Variants in GNAI2 observed in about 807,000 individuals in gnomAD.
The protein encoded by GNAI2 is G protein subunit alpha i2, also known as guanine nucleotide-binding protein G(i) subunit alpha-2.
GNAI2 carries 4 observed loss-of-function variants against 36.8 expected under a neutral mutation model. The observed-to-expected ratio is 0.11, with a 90% CI of 0.05 to 0.25. The LOEUF (loss-of-function observed/expected upper bound fraction) is 0.25. GNAI2 is among the 10% of genes least tolerant of loss of function. The pLI, the probability that GNAI2 is intolerant of heterozygous loss-of-function variation, is 1.00. For synonymous variants in GNAI2, 194 were observed against 194.1 expected (o/e 1.00, Z 0.01); for missense variants, 230 against 481.3 (o/e 0.48, Z 4.89).
Position 50,259,193 on chromosome 3 carries a change from G to T in GNAI2, c.*850G>T, listed in dbSNP as rs1307349827. ...TATTAACCTAAAATGTAGCTCCCTA[G>T]CGCTAACCTAGGAACCGCCGCTGCC... On this transcript the variant is annotated 3_prime_UTR_variant, in exon 9 of 9. Transcript: ENST00000313601. The T allele has an allele frequency of 3.8e-6, 1 of 259,750 alleles. No homozygotes were observed. Among genetic ancestry groups the T allele is most frequent in the South Asian group, 3.8e-5 (1 of 26,080 alleles). The allele number at this position is 259,750 out of a possible 1,614,324, so 16.1% of individuals were successfully genotyped here. A position where few individuals can be genotyped will look rare whatever the true frequency, so the allele number is the denominator to read the frequency against.
intron 1 of GNAI2, among the ~76,000 whole-genome samples, chr3:50,246,176 C>T (rs1249118238): frequency 6.6e-6 from 1 of 152,196 alleles, no homozygotes; most frequent in Non-Finnish European, 1.5e-5. Flanking sequence ...GGGTCTCTGC[C>T]CCTCCCTCCC....
At chr3:50,257,451 G>A (rs1553703406) in intron 7 of GNAI2, 49 bp from the exon 8 acceptor site, 23 of 1,333,168 alleles carry the variant, frequency 1.7e-5, no homozygotes, top group Non-Finnish European at 2.2e-5. Context: ...CGTAGGATGC[G>A]GCCTGCCTGC....
At chr3:50,249,740 C>T (rs782503321) in intron 1 of GNAI2, among the ~76,000 whole-genome samples, 1 of 152,240 alleles carries the variant, frequency 6.6e-6, no homozygotes, top group African/African-American at 2.4e-5. Flanking sequence ...CCCAGATCCC[C>T]TCCCCTCATC....
upstream of GNAI2, among the ~76,000 whole-genome samples, chr3:50,234,697 C>T (rs587756389): frequency 1.1e-4 from 17 of 152,238 alleles, no homozygotes; most frequent in South Asian, 3.3e-3. Flanking sequence ...TGCTAAACAC[C>T]GGGCTGTTGG....
chr3:50,258,863 C>T lies in GNAI2; in HGVS notation c.*520C>T, dbSNP rs954610495. 4.6e-6 allele frequency: 2 copies of T among 439,416 alleles called. No individual in the cohort carries two copies. The highest frequency in any genetic ancestry group is 1.6e-5 in the South Asian group (1 of 61,284). The allele number at this position is 439,416 out of a possible 1,614,324, so 27.2% of individuals were successfully genotyped here. On this transcript the variant is annotated 3_prime_UTR_variant, in exon 9 of 9. Coordinates refer to ENST00000313601, the MANE Select transcript of GNAI2 (RefSeq NM_002070.4). ...TCCTGGAAACCACAGTCCACCTGCT[C>T]ATTCTCGTAGCTTTTTAAAAAAATG...
rs116369548 is a variant in GNAI2 at position 50,258,505 on chromosome 3, C to T, written c.*162C>T. 1.8e-5 allele frequency: 3 copies of T among 166,040 alleles called. No homozygotes were observed. Among genetic ancestry groups the T allele is most frequent in the African/African-American group, 7.2e-5 (3 of 41,564 alleles). The allele number at this position is 166,040 out of a possible 1,614,324, so 10.3% of individuals were successfully genotyped here. On this transcript the variant is annotated 3_prime_UTR_variant, in exon 9 of 9. Transcript: ENST00000313601. The stretch of plus-strand genomic sequence containing the variant: ...CTCCCCCTGTCCCCTCAGCTCCAGA[C>T]GTAGGGGAGGGGTTGCCACAGGCCT...
chr3:50,240,136 G>A (rs587702077), intron 1 of GNAI2, among the ~76,000 whole-genome samples: 1 of 152,340 alleles, frequency 6.6e-6, no homozygotes, highest in South Asian at 2.1e-4. Context: ...AGAGGAGTAA[G>A]TATAATCCTG....
rs987421067 is a variant in GNAI2 at position 50,258,870 on chromosome 3, G to T, written c.*527G>T. 1 of 439,532 alleles carries T rather than the reference G, an allele frequency of 2.3e-6. No homozygotes were observed. Among genetic ancestry groups the T allele is most frequent in the Non-Finnish European group, 4.5e-6 (1 of 222,924 alleles). The allele number at this position is 439,532 out of a possible 1,614,324, so 27.2% of individuals were successfully genotyped here. A position where few individuals can be genotyped will look rare whatever the true frequency, so the allele number is the denominator to read the frequency against. On this transcript the variant is annotated 3_prime_UTR_variant, in exon 9 of 9. Transcript: ENST00000313601. ...AACCACAGTCCACCTGCTCATTCTCGTAGCTTTTTAAAAAAATGAAAGTAA... is the reference window on the plus strand; with the variant it reads ...AACCACAGTCCACCTGCTCATTCTCTTAGCTTTTTAAAAAAATGAAAGTAA...
rs141946399 is a variant in GNAI2 at position 50,250,256 on chromosome 3, C to T, written c.119-1844C>T. Among the ~76,000 whole-genome samples, 7 of 152,188 alleles carry T rather than the reference C, an allele frequency of 4.6e-5. No individual in the cohort carries two copies. In the South Asian group the frequency reaches 8.3e-4, roughly 18 times the overall value. On this transcript the variant is annotated intron_variant, in intron 1 of 8. Transcript: ENST00000313601. ...CATATAGCTTTGCTGTCGATATTGC[C>T]GATGTTATTGTTACTGCTTGTGTTC...
chr3:50,259,130 A>G lies in GNAI2; in HGVS notation c.*787A>G. The G allele has an allele frequency of 2.9e-6, 1 of 347,676 alleles. No homozygotes were observed. The highest frequency in any genetic ancestry group is 2.2e-5 in the South Asian group (1 of 44,588). The allele number at this position is 347,676 out of a possible 1,614,324, so 21.5% of individuals were successfully genotyped here. Reference sequence around the variant, plus strand: ...GCTGTTCCAGACAACTGCCAACGTCACTGAGGGCCCTGCCCCAGCGGCCCT... The same window carrying G: ...GCTGTTCCAGACAACTGCCAACGTCGCTGAGGGCCCTGCCCCAGCGGCCCT... On this transcript the variant is annotated 3_prime_UTR_variant, in exon 9 of 9. Transcript: ENST00000313601.
In GNAI2 at chr3:50,236,489, C is replaced by G; in HGVS notation, c.118+36C>G. The G allele has an allele frequency of 6.4e-7, 1 of 1,559,762 alleles. No homozygotes were observed. Among genetic ancestry groups the G allele is most frequent in the Non-Finnish European group, 8.6e-7 (1 of 1,158,056 alleles). ...GTCCCGCACTGGGATCCTTGATTCC[C>G]AGCTCGAATCCCCAGACAAGGACTT... On this transcript the variant is annotated intron_variant, in intron 1 of 8. Transcript: ENST00000313601. The surrounding 1 kb of genome is among the most constrained non-coding windows in gnomAD (Gnocchi z 4.0).
chr3:50,252,216 C>A lies in GNAI2; in HGVS notation c.161+74C>A. On this transcript the variant is annotated intron_variant, in intron 2 of 8. Transcript: ENST00000313601. The surrounding 1 kb of genome is among the most constrained non-coding windows in gnomAD (Gnocchi z 4.1). ...TCACCCTCTGGGCCTGCACTGCCCC[C>A]GACTACAGGCCCAGCCAGTCTTAGC... 6.7e-7 allele frequency: 1 copy of A among 1,481,950 alleles called. No homozygotes were observed. Among genetic ancestry groups the A allele is most frequent in the Non-Finnish European group, 9.4e-7 (1 of 1,063,622 alleles). 91.8% of individuals were successfully genotyped at this position (1,481,950 alleles called of 1,614,324 possible). A position where few individuals can be genotyped will look rare whatever the true frequency, so the allele number is the denominator to read the frequency against.
chr3:50,254,378 T>TG (rs1553702912), intron 4 of GNAI2, among the ~76,000 whole-genome samples: 5 of 152,130 alleles, frequency 3.3e-5, no homozygotes, highest in Admixed American at 3.3e-4. Context: ...AACACCCTTT[T>TG]GCTCCTATTG....
exon 1 of GNAI2, chr3:50,230,853 C>G (rs1700056466): frequency 1.0e-6 from 1 of 985,350 alleles, no homozygotes. Context: ...GGCAGCTGCC[C>G]TCTGCCCCCA....
At chr3:50,239,436 C>A (rs898352056) in intron 1 of GNAI2, among the ~76,000 whole-genome samples, 3 of 152,238 alleles carry the variant, frequency 2.0e-5, no homozygotes, top group East Asian at 1.9e-4. Context: ...TGCTTCCCCC[C>A]TCAGATGCCT....
intron 1 of GNAI2, among the ~76,000 whole-genome samples, chr3:50,243,499 C>G (rs1216578264): frequency 6.6e-6 from 1 of 152,242 alleles, no homozygotes; most frequent in Admixed American, 6.5e-5. Context: ...CAAAGGATCC[C>G]TGGCCTCAGC....
upstream of GNAI2, among the ~76,000 whole-genome samples, chr3:50,228,238 G>A (rs1700012222): frequency 6.6e-6 from 1 of 152,152 alleles, no homozygotes; most frequent in Non-Finnish European, 1.5e-5. Flanking sequence ...GCAACCAGAA[G>A]GAACTTTAAA....
Position 50,236,602 on chromosome 3 carries a change from A to G in GNAI2, c.118+149A>G. 8.9e-7 allele frequency: 1 copy of G among 1,118,342 alleles called. No individual in the cohort carries two copies. The highest frequency in any genetic ancestry group is 1.2e-6 in the Non-Finnish European group (1 of 826,448). The allele number at this position is 1,118,342 out of a possible 1,614,324, so 69.3% of individuals were successfully genotyped here. ...CCAGGACCAGGGTTGAAAACTCTAG[A>G]TTGGACTAGACCTTTGATCCTGCCC... is the stretch of plus-strand genomic sequence containing the variant. On this transcript the variant is annotated intron_variant, in intron 1 of 8. Coordinates refer to ENST00000313601, the MANE Select transcript of GNAI2 (RefSeq NM_002070.4). This position sits in a 1 kb window ranked among gnomAD's most constrained non-coding sequence, Gnocchi z 4.0.
At chr3:50,229,883 T>C (rs1197947531), upstream of GNAI2, 2 of 152,296 alleles carry the variant, frequency 1.3e-5, no homozygotes, top group Non-Finnish European at 2.9e-5. Flanking sequence ...TCTTTTACCA[T>C]AGGGTTCTCA....
Sources: gnomAD v4.1 joint callset for allele counts (sites outside exome capture counted in the v4.1 genomes callset) on GRCh38, gnomAD v4.1.1 for gene constraint, Gnocchi (gnomAD v3.1) non-coding constraint, MANE v1.5 for transcripts, NCBI Gene and HGNC (gene_info 2026-07-23, HGNC 2026-07-21) for gene names.